DNAH3: variants seen among roughly 807,000 people sequenced by gnomAD.
The protein encoded by DNAH3 is axonemal beta dynein heavy chain 3.
In DNAH3, 332 loss-of-function variants were observed where a neutral mutation model predicts 432.5. The ratio of observed to expected loss-of-function variants is 0.77; its 90% CI spans 0.70 to 0.84. The LOEUF (loss-of-function observed/expected upper bound fraction) is 0.84, where lower values mean the gene tolerates loss of function less well. Ranked by LOEUF, DNAH3 falls within the 40% of genes least tolerant of loss-of-function variation. The pLI, the probability that DNAH3 is intolerant of heterozygous loss-of-function variation, is 0.00. For missense variants in DNAH3, 4,861 were observed against 5,114.0 expected (o/e 0.95, Z 1.51); for synonymous variants, 1,956 against 1,900.2 (o/e 1.03, Z -0.76).
intron 41 of DNAH3, among the ~76,000 whole-genome samples, chr16:21,004,226 AAGG>A (rs1166980135): frequency 6.6e-6 from 1 of 152,224 alleles, no homozygotes; most frequent in Non-Finnish European, 1.5e-5. Flanking sequence ...AAATGAAAGT[AAGG>A]AGAATAGTAT....
intron 35 of DNAH3, 152 bp downstream of exon 35, chr16:21,036,562 A>G: frequency 1.4e-6 from 1 of 722,078 alleles, no homozygotes; most frequent in Non-Finnish European, 2.3e-6. Context: ...CTACAGGCAT[A>G]GGCCATTACG....
At chr16:21,150,978 T>G (rs913288213) in intron 1 of DNAH3, among the ~76,000 whole-genome samples, 132 bp from the exon 1 acceptor site, 2 of 152,142 alleles carry the variant, frequency 1.3e-5, no homozygotes, top group African/African-American at 4.8e-5. Flanking sequence ...GCAGGAAGTG[T>G]TGGTGACAGA....
chr16:20,990,817 C>T (rs1288050928), intron 44 of DNAH3, among the ~76,000 whole-genome samples: 18 of 151,966 alleles, frequency 1.2e-4, no homozygotes, highest in African/African-American at 4.4e-4. Flanking sequence ...GTCAAGAGAT[C>T]GAGACCAGCC....
In DNAH3 at chr16:20,966,014, A is replaced by ATTTTTTTTTTT. The variant is rs555983378; in HGVS notation, c.8459-600_8459-590dup. On this transcript the variant is annotated intron_variant, in intron 52 of 61. Transcript: ENST00000261383. ...AGGCCTGAGCCACCATGCCCAGCCA[A>ATTTTTTTTTTT]TTTTTTTTTTTTTTTTTTTTTTTTT... is the stretch of plus-strand genomic sequence containing the variant. 3.5e-4 allele frequency among the ~76,000 whole-genome samples: 17 copies of ATTTTTTTTTTT among 48,388 alleles called. 2 individuals are homozygous for ATTTTTTTTTTT. Among genetic ancestry groups the ATTTTTTTTTTT allele is most frequent in the Non-Finnish European group, 4.4e-4 (11 of 24,922 alleles). The allele number at this position is 48,388 out of a possible 152,430, so 31.7% of individuals were successfully genotyped here.
chr16:20,989,679 G>A (rs1202656550), intron 44 of DNAH3, among the ~76,000 whole-genome samples: 2 of 152,256 alleles, frequency 1.3e-5, no homozygotes, highest in Non-Finnish European at 2.9e-5. Context: ...GGGACTGGGC[G>A]CCGTGGAGCA....
At chr16:21,123,406 C>T (rs1037736513) in intron 9 of DNAH3, among the ~76,000 whole-genome samples, 1 of 152,150 alleles carries the variant, frequency 6.6e-6, no homozygotes, top group Non-Finnish European at 1.5e-5. Context: ...ATAAATTCCC[C>T]CCTATTTTCC....
chr16:21,086,772 G>A, intron 19 of DNAH3, 77 bp downstream of exon 19: 5 of 1,317,604 alleles, frequency 3.8e-6, no homozygotes, highest in Middle Eastern at 2.1e-4. Flanking sequence ...ACCTAGTAAT[G>A]TTTCCTGCCT....
At chr16:21,144,866 C>A (rs531666582) in intron 3 of DNAH3, among the ~76,000 whole-genome samples, 71 of 152,090 alleles carry the variant, frequency 4.7e-4, no homozygotes, top group African/African-American at 1.6e-3. Flanking sequence ...GCCTGTAATC[C>A]CAGCACTTTC....
At chr16:21,020,397 A>ATTTTTTTTTT (rs56049638) in intron 40 of DNAH3, among the ~76,000 whole-genome samples, 2 of 34,592 alleles carry the variant, frequency 5.8e-5, no homozygotes, top group East Asian at 1.7e-3. Flanking sequence ...ATATATATAT[A>ATTTTTTTTTT]TTTTTTTTTT....
chr16:21,054,591 C>A, intron 27 of DNAH3, 57 bp from the exon 28 acceptor site: 1 of 1,345,912 alleles, frequency 7.4e-7, no homozygotes, highest in Admixed American at 1.8e-5. Context: ...CTGGTAATCC[C>A]CATGTCAAGA....
In DNAH3 at chr16:20,988,226, CTTAAA is replaced by C. The variant is rs1013893820; in HGVS notation, c.6602-166_6602-162del. On this transcript the variant is annotated intron_variant, in intron 44 of 61. Transcript: ENST00000261383. ...TCTAGCCACCTGCAGCAAATTTAAA[CTTAAA>C]TTAATTAATATTAAATAACATTAAA... is the stretch of plus-strand genomic sequence containing the variant. Among the ~76,000 whole-genome samples the C allele has an allele frequency of 2.6e-4, 39 of 152,230 alleles. 1 individual carries two copies. Among genetic ancestry groups the C allele is most frequent in the African/African-American group, 8.7e-4 (36 of 41,526 alleles).
chr16:21,153,037 A>C (rs1031055888), intron 1 of DNAH3, among the ~76,000 whole-genome samples: 1 of 152,238 alleles, frequency 6.6e-6, no homozygotes, highest in South Asian at 2.1e-4. Flanking sequence ...TGCAGGAGCC[A>C]CTGGGTGAAG....
At chr16:21,138,247 C>CAA (rs1176116189) in intron 5 of DNAH3, among the ~76,000 whole-genome samples, 20 of 137,410 alleles carry the variant, frequency 1.5e-4, no homozygotes, top group African/African-American at 4.8e-4. Context: ...GATTCTGTCT[C>CAA]AAAAAAAAAA....
At chr16:21,040,358 ATT>A (rs55797285) in intron 32 of DNAH3, among the ~76,000 whole-genome samples, 11,740 of 78,862 alleles carry the variant, frequency 0.15, 1,021 homozygotes, top group Non-Finnish European at 0.19. Flanking sequence ...AGCCAGACAG[ATT>A]TTTTTTTTTT....
At chr16:20,954,720 C>T in intron 55 of DNAH3, 93 bp downstream of exon 55, 1 of 1,436,472 alleles carries the variant, frequency 7.0e-7, no homozygotes, top group Non-Finnish European at 9.4e-7. Context: ...GCAACCCTAT[C>T]TGAGCGCAAG....
At chr16:20,959,317 G>A (rs1465963125) in exon 54 of DNAH3, 1 of 1,614,206 alleles carries the variant, frequency 6.2e-7, no homozygotes, top group Non-Finnish European at 8.5e-7. Context: ...GATCATTTTG[G>A]CAGCAATAGG....
At chr16:21,154,948 T>TTTC (rs1360851868) in intron 1 of DNAH3, among the ~76,000 whole-genome samples, 1 of 142,974 alleles carries the variant, frequency 7.0e-6, no homozygotes, top group African/African-American at 2.6e-5. Context: ...TTTTTCTTTC[T>TTTC]TTCTTTTTTT....
At chr16:21,060,154 T>C in intron 26 of DNAH3, 110 bp downstream of exon 26, 1 of 828,586 alleles carries the variant, frequency 1.2e-6, no homozygotes, top group Non-Finnish European at 2.0e-6. Flanking sequence ...GAGGGACAGG[T>C]TTTGGTAGAA....
Position 20,933,611 on chromosome 16 carries a change from A to T in DNAH3, c.11998-104T>A. On this transcript the variant is annotated intron_variant, in intron 61 of 61. Transcript: ENST00000261383. ...ATACTCAAAGTGCAACCTGGTTGCA[A>T]TATCTACCTCTCCCAGGATCCAGGG... The T allele has an allele frequency of 8.2e-6, 7 of 848,710 alleles. No individual in the cohort carries two copies. In the South Asian group the frequency reaches 1.2e-4, roughly 15 times the overall value. The allele number at this position is 848,710 out of a possible 1,614,324, so 52.6% of individuals were successfully genotyped here.
Sources: gnomAD v4.1 joint callset for allele counts (sites outside exome capture counted in the v4.1 genomes callset) on GRCh38, gnomAD v4.1.1 for gene constraint, MANE v1.5 for transcripts, NCBI Gene and HGNC (gene_info 2026-07-23, HGNC 2026-07-21) for gene names.